Variants in GTF2F2 observed in about 807,000 individuals in gnomAD.
GTF2F2 encodes general transcription factor IIF subunit 2.
A neutral mutation model predicts 42.2 loss-of-function variants in GTF2F2; 23 were observed. The observed-to-expected ratio is 0.55, with a 90% CI of 0.39 to 0.77. GTF2F2 has a LOEUF of 0.77. GTF2F2 is among the 30% of genes least tolerant of loss of function. The probability of loss-of-function intolerance (pLI) is 0.00; values close to 1 mark genes in which losing one functional copy is unlikely to be tolerated. For missense variants in GTF2F2, 261 were observed against 287.2 expected (o/e 0.91, Z 0.66); for synonymous variants, 105 against 100.8 (o/e 1.04, Z -0.25).
intron 4 of GTF2F2, among the ~76,000 whole-genome samples, chr13:45,200,458 C>T (rs1006156198): frequency 1.3e-5 from 2 of 152,154 alleles, no homozygotes; most frequent in African/African-American, 4.8e-5. Flanking sequence ...AGGCATACCC[C>T]ACCATACCTG....
chr13:45,223,636 T>C (rs1237450816), intron 5 of GTF2F2, among the ~76,000 whole-genome samples: 2 of 152,174 alleles, frequency 1.3e-5, no homozygotes, highest in Non-Finnish European at 2.9e-5. Context: ...TAGATATTCC[T>C]TTTTCATAAA....
chr13:45,226,335 T>G (rs896995795), intron 5 of GTF2F2, among the ~76,000 whole-genome samples: 11 of 152,156 alleles, frequency 7.2e-5, no homozygotes, highest in African/African-American at 2.7e-4. Flanking sequence ...TTGGTAACTT[T>G]CCCCATCAGC....
rs34555048 is a variant in GTF2F2 at position 45,194,121 on chromosome 13, G to A, written c.305-13303G>A. 1.7e-3 allele frequency: 2,803 copies of A among 1,613,904 alleles called. 9 individuals carry two copies. The highest frequency in any genetic ancestry group is 2.2e-3 in the Non-Finnish European group (2,559 of 1,179,836). On this transcript the variant is annotated intron_variant, in intron 4 of 7. Coordinates refer to ENST00000340473, the MANE Select transcript of GTF2F2 (RefSeq NM_004128.3). ...AGATTCTTAATCCTTGTGAACGATCGTGGTTATCTGTTATTTCCAAGAAAG... is the reference window on the plus strand; with the variant it reads ...AGATTCTTAATCCTTGTGAACGATCATGGTTATCTGTTATTTCCAAGAAAG...
rs370703866 is a variant in GTF2F2 at position 45,128,492 on chromosome 13, G to A, written c.66+7771G>A. On this transcript the variant is annotated intron_variant, in intron 1 of 7. Coordinates refer to ENST00000340473, the MANE Select transcript of GTF2F2 (RefSeq NM_004128.3). ...GGAGGCTGAGGCAAGAGAATCACTT[G>A]CACCTGGGGGGCGGAGGTTGCAGTG... is the stretch of plus-strand genomic sequence containing the variant. 2.6e-4 allele frequency among the ~76,000 whole-genome samples: 40 copies of A among 151,336 alleles called. No homozygotes were observed. In the East Asian group the frequency reaches 6.7e-3, roughly 25 times the overall value.
At chr13:45,245,756 T>C (rs759028853) in intron 5 of GTF2F2, among the ~76,000 whole-genome samples, 35 of 146,640 alleles carry the variant, frequency 2.4e-4, no homozygotes, top group Non-Finnish European at 3.5e-4. Context: ...CTTTTTTGTA[T>C]CCACTCTTTT....
At chr13:45,177,907 T>A (rs1871963029) in intron 4 of GTF2F2, among the ~76,000 whole-genome samples, 1 of 152,172 alleles carries the variant, frequency 6.6e-6, no homozygotes, top group Admixed American at 6.5e-5. Flanking sequence ...AGAATTCTGT[T>A]AGTTTTATTG....
At chr13:45,256,872 A>T (rs1361057480) in intron 6 of GTF2F2, among the ~76,000 whole-genome samples, 1 of 152,162 alleles carries the variant, frequency 6.6e-6, no homozygotes, top group Non-Finnish European at 1.5e-5. Flanking sequence ...CATGAAGCTC[A>T]GTGTTTCATT....
chr13:45,219,324 G>C (rs1874017201), intron 5 of GTF2F2: 2 of 152,178 alleles, frequency 1.3e-5, no homozygotes, highest in Admixed American at 1.3e-4. Flanking sequence ...ACCTCTTTCA[G>C]CTTTCAGTTT....
chr13:45,227,238 A>C (rs1593502637), intron 5 of GTF2F2, among the ~76,000 whole-genome samples: 1 of 152,352 alleles, frequency 6.6e-6, no homozygotes, highest in East Asian at 1.9e-4. Flanking sequence ...TTTTAAAAGT[A>C]TTTATTAGCA....
chr13:45,239,489 A>T (rs982212498), intron 5 of GTF2F2, among the ~76,000 whole-genome samples: 3 of 152,180 alleles, frequency 2.0e-5, no homozygotes, highest in Non-Finnish European at 4.4e-5. Context: ...GCAGTAATTT[A>T]AAAAAATAAA....
chr13:45,134,581 G>A (rs1474242622), intron 1 of GTF2F2, among the ~76,000 whole-genome samples: 1 of 152,184 alleles, frequency 6.6e-6, no homozygotes, highest in Non-Finnish European at 1.5e-5. Flanking sequence ...GAGACCGAAT[G>A]GGTAGGTACA....
At chr13:45,152,973 A>G (rs1870567937) in intron 4 of GTF2F2, among the ~76,000 whole-genome samples, 1 of 152,088 alleles carries the variant, frequency 6.6e-6, no homozygotes, top group South Asian at 2.1e-4. Context: ...ATAGTATGTT[A>G]AGAACACCAT....
intron 5 of GTF2F2, among the ~76,000 whole-genome samples, chr13:45,213,641 CCT>C (rs1377641770): frequency 6.6e-6 from 1 of 151,854 alleles, no homozygotes; most frequent in Non-Finnish European, 1.5e-5. Flanking sequence ...TTCTTCTTTC[CCT>C]CTTAGTCTCC....
intron 6 of GTF2F2, among the ~76,000 whole-genome samples, chr13:45,254,488 A>G (rs1200440344): frequency 6.6e-6 from 1 of 152,202 alleles, no homozygotes; most frequent in African/African-American, 2.4e-5. Flanking sequence ...TGTGCCAGGT[A>G]TTGGTCTGAG....
chr13:45,138,384 T>C (rs577254737), intron 2 of GTF2F2, among the ~76,000 whole-genome samples: 70 of 152,316 alleles, frequency 4.6e-4, no homozygotes, highest in African/African-American at 1.6e-3. Flanking sequence ...GGCTGTGACT[T>C]TCTCCACACT....
At position 45,272,253 on chromosome 13, in the gene GTF2F2, T is replaced by C. The variant is rs557316416; in HGVS notation, c.630+4877T>C. Among the ~76,000 whole-genome samples, 97 of 151,320 alleles carry C rather than the reference T, an allele frequency of 6.4e-4. 2 individuals carry two copies. The highest frequency in any genetic ancestry group is 2.3e-3 in the African/African-American group (94 of 41,476). On this transcript the variant is annotated intron_variant, in intron 7 of 7. Transcript: ENST00000340473. Reference sequence around the variant, plus strand: ...ATATGAAATGTGATGTAAAATAAACTATTAACTATGTTGACTATAAGTGGG... The same window carrying C: ...ATATGAAATGTGATGTAAAATAAACCATTAACTATGTTGACTATAAGTGGG...
intron 5 of GTF2F2, among the ~76,000 whole-genome samples, chr13:45,224,588 A>G: frequency 6.6e-6 from 1 of 151,984 alleles, no homozygotes; most frequent in East Asian, 1.9e-4. Flanking sequence ...TTGGAGGAAC[A>G]CTCCCTTTGG....
chr13:45,171,580 G>T (rs954489114), intron 4 of GTF2F2, among the ~76,000 whole-genome samples: 4 of 152,096 alleles, frequency 2.6e-5, no homozygotes, highest in African/African-American at 9.7e-5. Flanking sequence ...TAAATGAAAA[G>T]GAGTATTTAC....
At chr13:45,276,321 A>C (rs1593531884) in intron 7 of GTF2F2, among the ~76,000 whole-genome samples, 1 of 152,316 alleles carries the variant, frequency 6.6e-6, no homozygotes, top group East Asian at 1.9e-4. Flanking sequence ...ATTATGAATA[A>C]GGCTGCTATG....
Sources: gnomAD v4.1 joint callset for allele counts (sites outside exome capture counted in the v4.1 genomes callset) on GRCh38, gnomAD v4.1.1 for gene constraint, MANE v1.5 for transcripts, NCBI Gene and HGNC (gene_info 2026-07-23, HGNC 2026-07-21) for gene names.